Variants in USP45 observed in about 807,000 individuals in gnomAD.
The protein encoded by USP45 is ubiquitin carboxyl-terminal hydrolase 45.
USP45 carries 89 observed loss-of-function variants against 95.8 expected under a neutral mutation model. That is an observed-to-expected ratio of 0.93 (90% CI 0.78 to 1.11). USP45 has a LOEUF of 1.11. USP45 is among the 50% of genes least tolerant of loss of function. The probability of loss-of-function intolerance (pLI) is 0.00; values close to 1 mark genes in which losing one functional copy is unlikely to be tolerated. For synonymous variants in USP45, 281 were observed against 316.2 expected (o/e 0.89, Z 1.18); for missense variants, 898 against 942.5 (o/e 0.95, Z 0.62).
chr6:99,465,222 C>A, intron 11 of USP45, 86 bp from the exon 12 acceptor site: 1 of 1,128,022 alleles, frequency 8.9e-7, no homozygotes, highest in Non-Finnish European at 1.2e-6. Flanking sequence ...TCAAACTTCC[C>A]GGGCAACCTA....
chr6:99,482,987 C>A, intron 7 of USP45, 104 bp from the exon 8 acceptor site: 1 of 964,028 alleles, frequency 1.0e-6, no homozygotes, highest in Non-Finnish European at 1.4e-6. Flanking sequence ...ACTAAATTGC[C>A]TCAATTGTAT....
At chr6:99,516,541 C>G (rs1224784901), upstream of USP45, among the ~76,000 whole-genome samples, 2 of 152,156 alleles carry the variant, frequency 1.3e-5, no homozygotes, top group East Asian at 1.9e-4. Context: ...TTGCTTATAT[C>G]GTACTTAACA....
chr6:99,498,324 T>C (rs954549202), intron 5 of USP45, among the ~76,000 whole-genome samples: 2 of 152,206 alleles, frequency 1.3e-5, no homozygotes, highest in African/African-American at 4.8e-5. Context: ...TCACATTCTA[T>C]TTGGTTTATT....
chr6:99,476,529 C>T (rs1167354728), intron 8 of USP45, among the ~76,000 whole-genome samples: 2 of 152,138 alleles, frequency 1.3e-5, no homozygotes, highest in Admixed American at 1.3e-4. Flanking sequence ...GATTACTGGT[C>T]CAATTAGGGT....
intron 2 of USP45, among the ~76,000 whole-genome samples, chr6:99,509,033 TGGA>T (rs1442582613): frequency 1.3e-5 from 2 of 152,202 alleles, no homozygotes; most frequent in Non-Finnish European, 2.9e-5. Context: ...TTGCTATAAA[TGGA>T]CAGCACATAG....
In USP45 at chr6:99,476,187, G is replaced by T. The variant is rs368932940; in HGVS notation, c.889C>A (p.Leu297Ile). 6.2e-7 allele frequency: 1 copy of T among 1,614,054 alleles called. No homozygotes were observed. The highest frequency in any genetic ancestry group is 8.5e-7 in the Non-Finnish European group (1 of 1,179,972). The change falls in exon 9 of 18, where the codon CTT becomes ATT. Residue 297 changes from leucine to isoleucine, a missense_variant. By Grantham distance (5) the Leu-to-Ile change is conservative. Transcript: ENST00000500704. ...KDFQQQDSQELLHYLLDAVRT... is the reference protein window; with the variant it reads ...KDFQQQDSQEILHYLLDAVRT... The stretch of plus-strand genomic sequence containing the variant: ...ACTGCATCCAGAAGATAATGAAGAA[G>T]CTCCTGACTGTCCTGTTGCTGGAAA...
At chr6:99,466,000 TAA>T (rs1206334802) in intron 11 of USP45, among the ~76,000 whole-genome samples, 1 of 152,156 alleles carries the variant, frequency 6.6e-6, no homozygotes, top group Admixed American at 6.6e-5. Context: ...GTTAATACAT[TAA>T]GTTATTTCTA....
At chr6:99,479,301 C>G (rs1038114850) in intron 8 of USP45, among the ~76,000 whole-genome samples, 16 of 152,118 alleles carry the variant, frequency 1.1e-4, no homozygotes, top group African/African-American at 3.9e-4. Flanking sequence ...CTCAAAACTC[C>G]TAGGCTCAAG....
chr6:99,497,997 G>A (rs528612464), intron 5 of USP45, among the ~76,000 whole-genome samples: 6 of 152,146 alleles, frequency 3.9e-5, no homozygotes, highest in Non-Finnish European at 8.8e-5. Context: ...GACTCCTCCA[G>A]TCGAATGTTA....
chr6:99,508,950 C>A, intron 2 of USP45, among the ~76,000 whole-genome samples, 168 bp from the exon 3 acceptor site: 1 of 152,108 alleles, frequency 6.6e-6, no homozygotes. Flanking sequence ...ATATAATGTT[C>A]ATGAAATAAC....
At chr6:99,478,225 T>G (rs1157775034) in intron 8 of USP45, among the ~76,000 whole-genome samples, 7 of 108,260 alleles carry the variant, frequency 6.5e-5, no homozygotes, top group South Asian at 2.3e-4. Context: ...GATTTGTTTT[T>G]TTTTTTTTTT....
At chr6:99,449,561 T>C (rs1314711825) in intron 13 of USP45, among the ~76,000 whole-genome samples, 1 of 152,092 alleles carries the variant, frequency 6.6e-6, no homozygotes, top group Non-Finnish European at 1.5e-5. Context: ...CAAAGAAACT[T>C]AGACTCCCAC....
chr6:99,512,148 T>C (rs1800029245), intron 1 of USP45, among the ~76,000 whole-genome samples: 1 of 152,170 alleles, frequency 6.6e-6, no homozygotes, highest in Non-Finnish European at 1.5e-5. Flanking sequence ...CTCTTTAGTA[T>C]CTTTTAATCT....
At chr6:99,463,109 A>G (rs1287840760) in intron 13 of USP45, among the ~76,000 whole-genome samples, 1 of 152,098 alleles carries the variant, frequency 6.6e-6, no homozygotes, top group Non-Finnish European at 1.5e-5. Flanking sequence ...ATTTCTTTCC[A>G]TTTTCATGGG....
chr6:99,495,124 C>G (rs1399998469), intron 5 of USP45, among the ~76,000 whole-genome samples: 1 of 152,150 alleles, frequency 6.6e-6, no homozygotes, highest in East Asian at 1.9e-4. Flanking sequence ...GAATTATGGG[C>G]ACTATTGTCA....
chr6:99,452,254 TGG>T (rs945261942), intron 13 of USP45, among the ~76,000 whole-genome samples: 3 of 152,112 alleles, frequency 2.0e-5, no homozygotes. Context: ...ACCTACAGAA[TGG>T]GAGAAAATTT....
chr6:99,493,208 T>C (rs911890923), intron 5 of USP45, among the ~76,000 whole-genome samples: 2 of 151,972 alleles, frequency 1.3e-5, no homozygotes, highest in African/African-American at 4.8e-5. Flanking sequence ...ATATTTTTAG[T>C]AGAGATGGGG....
At chr6:99,512,240 T>C (rs1800043146) in intron 1 of USP45, among the ~76,000 whole-genome samples, 1 of 152,168 alleles carries the variant, frequency 6.6e-6, no homozygotes, top group South Asian at 2.1e-4. Flanking sequence ...ATGAGTCACC[T>C]TGAGGGTCTT....
chr6:99,445,366 T>C lies in USP45; in HGVS notation c.1975+431A>G, dbSNP rs540726862. ...GGCATGGTGGTGGGCGCCTGTAATC[T>C]CAGCTACTCAGGAGGCTGAGGCAGA... On this transcript the variant is annotated intron_variant, in intron 14 of 17. Coordinates refer to ENST00000500704, the MANE Select transcript of USP45 (RefSeq NM_001346022.3). 4.0e-3 allele frequency among the ~76,000 whole-genome samples: 606 copies of C among 151,752 alleles called. 1 individual carries two copies. The highest frequency in any genetic ancestry group is 4.9e-3 in the African/African-American group (202 of 41,394).
Sources: gnomAD v4.1 joint callset for allele counts (sites outside exome capture counted in the v4.1 genomes callset) on GRCh38, gnomAD v4.1.1 for gene constraint, MANE v1.5 for transcripts, NCBI Gene and HGNC (gene_info 2026-07-23, HGNC 2026-07-21) for gene names.